SLC24A2: variants seen among roughly 807,000 people sequenced by gnomAD.
The protein encoded by SLC24A2 is sodium/potassium/calcium exchanger 2.
SLC24A2 carries 36 observed loss-of-function variants against 62.0 expected under a neutral mutation model. That is an observed-to-expected ratio of 0.58 (90% confidence interval 0.44 to 0.77). SLC24A2 has a LOEUF of 0.77. Ranked by LOEUF, SLC24A2 falls within the 30% of genes least tolerant of loss-of-function variation. The probability of loss-of-function intolerance (pLI) is 0.00; values close to 1 mark genes in which losing one functional copy is unlikely to be tolerated. For synonymous variants in SLC24A2, 358 were observed against 294.0 expected (o/e 1.22, Z -2.23); for missense variants, 846 against 817.9 (o/e 1.03, Z -0.42).
Position 19,508,026 on chromosome 9 carries a change from A to G in SLC24A2, c.*8127T>C, listed in dbSNP as rs952671117. 1.3e-5 allele frequency: 2 copies of G among 152,244 alleles called. No homozygotes were observed. The highest frequency in any genetic ancestry group is 2.4e-5 in the African/African-American group (1 of 41,474). The allele number at this position is 152,244 out of a possible 1,614,324, so 9.4% of individuals were successfully genotyped here. On this transcript the variant is annotated 3_prime_UTR_variant, in exon 11 of 11. Coordinates refer to ENST00000341998, the MANE Select transcript of SLC24A2 (RefSeq NM_020344.4). ...TTAACCGTATCTGAAGAACAAAAGT[A>G]TAATTTCTCTTGCTTTTAGTGCTAG... is the stretch of plus-strand genomic sequence containing the variant.
chr9:20,085,163 T>C, the SLC24A2 span, among the ~76,000 whole-genome samples: 3 of 152,050 alleles, frequency 2.0e-5, no homozygotes, highest in African/African-American at 4.8e-5. Context: ...GCCCAGCTAA[T>C]TTTTAAAAAT....
the SLC24A2 span, among the ~76,000 whole-genome samples, chr9:20,233,146 C>G: frequency 2.6e-5 from 4 of 152,098 alleles, no homozygotes; most frequent in East Asian, 1.9e-4. Context: ...TTACTTCCAA[C>G]TATGTGGTCA....
At chr9:19,734,197 G>C (rs954079638) in intron 2 of SLC24A2, among the ~76,000 whole-genome samples, 1 of 150,882 alleles carries the variant, frequency 6.6e-6, no homozygotes, top group African/African-American at 2.5e-5. Context: ...GATAGTTGTA[G>C]ATATGTGGCA....
At chr9:20,205,755 T>C in the SLC24A2 span, among the ~76,000 whole-genome samples, 1 of 151,548 alleles carries the variant, frequency 6.6e-6, no homozygotes, top group African/African-American at 2.4e-5. Flanking sequence ...GAAGTGAGAC[T>C]GACATGTTAA....
chr9:19,991,409 G>T, the SLC24A2 span, among the ~76,000 whole-genome samples: 44 of 152,240 alleles, frequency 2.9e-4, no homozygotes, highest in African/African-American at 1.0e-3. Flanking sequence ...TGATTAGATG[G>T]TGCCTACCCA....
At chr9:19,967,247 T>C in the SLC24A2 span, 2 of 152,306 alleles carry the variant, frequency 1.3e-5, no homozygotes, top group East Asian at 3.9e-4. Context: ...CTTCTAAATA[T>C]AGAAAGCAAG....
the SLC24A2 span, among the ~76,000 whole-genome samples, chr9:20,306,526 T>G: frequency 6.6e-6 from 1 of 152,198 alleles, no homozygotes; most frequent in Admixed American, 6.5e-5. Flanking sequence ...TGCCTGGGGC[T>G]ACTATCCACC....
the SLC24A2 span, among the ~76,000 whole-genome samples, chr9:19,942,052 TC>T: frequency 1.4e-4 from 22 of 152,342 alleles, no homozygotes; most frequent in Non-Finnish European, 2.6e-4. Flanking sequence ...CTCTGACTCT[TC>T]ACTTTGGTTG....
At chr9:20,264,953 C>G in the SLC24A2 span, among the ~76,000 whole-genome samples, 1 of 152,206 alleles carries the variant, frequency 6.6e-6, no homozygotes, top group Non-Finnish European at 1.5e-5. Context: ...GCCACTCCGG[C>G]AATGAGCACA....
the SLC24A2 span, among the ~76,000 whole-genome samples, chr9:19,873,318 C>A: frequency 1.3e-5 from 2 of 150,892 alleles, no homozygotes; most frequent in African/African-American, 2.4e-5. Context: ...TTCCTTCCGT[C>A]CTTCTCTTTC....
At chr9:20,190,467 G>T in the SLC24A2 span, among the ~76,000 whole-genome samples, 1 of 152,164 alleles carries the variant, frequency 6.6e-6, no homozygotes, top group Non-Finnish European at 1.5e-5. Flanking sequence ...GGTAAGAAGC[G>T]ATGTAATAAG....
intron 2 of SLC24A2, among the ~76,000 whole-genome samples, chr9:19,751,604 A>AT (rs754054704): frequency 5.3e-5 from 8 of 152,056 alleles, no homozygotes; most frequent in African/African-American, 1.2e-4. Context: ...AAACCAAATC[A>AT]TTTTTTGGGG....
At chr9:19,801,665 A>G in the SLC24A2 span, among the ~76,000 whole-genome samples, 2 of 152,104 alleles carry the variant, frequency 1.3e-5, no homozygotes, top group Admixed American at 6.5e-5. Flanking sequence ...GTTTTTGCCT[A>G]ATTAGCATTT....
At chr9:20,113,586 A>C in the SLC24A2 span, among the ~76,000 whole-genome samples, 2 of 152,148 alleles carry the variant, frequency 1.3e-5, no homozygotes, top group African/African-American at 4.8e-5. Context: ...TAATTATTCT[A>C]TATTGGTTAT....
At chr9:19,969,148 G>C in the SLC24A2 span, among the ~76,000 whole-genome samples, 2 of 146,400 alleles carry the variant, frequency 1.4e-5, no homozygotes, top group Non-Finnish European at 3.0e-5. Flanking sequence ...GAGGAAAAGG[G>C]AATTCCCTAA....
the SLC24A2 span, among the ~76,000 whole-genome samples, chr9:20,092,674 T>A: frequency 6.6e-6 from 1 of 152,250 alleles, no homozygotes; most frequent in African/African-American, 2.4e-5. Flanking sequence ...GTATGCTTAT[T>A]ACCAAAGTCA....
chr9:19,556,542 C>A (rs1039871602), intron 7 of SLC24A2, among the ~76,000 whole-genome samples: 1 of 152,120 alleles, frequency 6.6e-6, no homozygotes, highest in African/African-American at 2.4e-5. Context: ...CATCTCATCA[C>A]CAGTTCACAA....
the SLC24A2 span, among the ~76,000 whole-genome samples, chr9:20,055,273 T>C: frequency 6.6e-6 from 1 of 152,174 alleles, no homozygotes; most frequent in African/African-American, 2.4e-5. Flanking sequence ...AATTTTTCAT[T>C]AGGTAATTCA....
the SLC24A2 span, among the ~76,000 whole-genome samples, chr9:20,078,692 T>C: frequency 3.3e-5 from 5 of 152,292 alleles, no homozygotes; most frequent in Non-Finnish European, 5.9e-5. Context: ...CTCTTTCTTA[T>C]GCCTTCCAGT....
Sources: allele counts gnomAD v4.1 joint callset (sites outside exome capture counted in the v4.1 genomes callset), GRCh38; gene constraint gnomAD v4.1.1; transcripts MANE v1.5; gene names NCBI Gene and HGNC (gene_info 2026-07-23, HGNC 2026-07-21).